CMIP: variants seen among roughly 807,000 people sequenced by gnomAD.
CMIP encodes the protein c-Maf inducing protein, also known as C-Maf-inducing protein.
A neutral mutation model predicts 97.3 loss-of-function variants in CMIP; 13 were observed. The observed-to-expected ratio is 0.13, with a 90% CI of 0.09 to 0.21. The LOEUF is 0.21. Ranked by LOEUF, CMIP falls within the 10% of genes least tolerant of loss-of-function variation. The pLI, the probability that CMIP is intolerant of heterozygous loss-of-function variation, is 1.00. For missense variants in CMIP, 847 were observed against 1,024.9 expected, an observed-to-expected ratio of 0.83 and a Z score of 2.37; for synonymous variants, 538 against 436.3, an observed-to-expected ratio of 1.23 and a Z score of -2.91.
chr16:81,521,636 C>T (rs1033373922), intron 1 of CMIP, among the ~76,000 whole-genome samples: 2 of 152,106 alleles, frequency 1.3e-5, no homozygotes, highest in Admixed American at 6.5e-5. Context: ...TCAAAAAGCC[C>T]CTCCCTGGAG....
At chr16:81,664,611 G>A (rs1315244021) in intron 7 of CMIP, 5 of 585,324 alleles carry the variant, frequency 8.5e-6, no homozygotes, top group South Asian at 4.4e-5. Flanking sequence ...AAAGCCTCCC[G>A]GGAAGAATAG....
chr16:81,640,424 G>A (rs1023525557), intron 3 of CMIP, among the ~76,000 whole-genome samples: 3 of 152,036 alleles, frequency 2.0e-5, no homozygotes, highest in East Asian at 3.9e-4. Flanking sequence ...TCGAGTCACC[G>A]CAGTAAGATG....
intron 3 of CMIP, chr16:81,622,318 A>C (rs537689067): frequency 1.3e-5 from 2 of 152,294 alleles, no homozygotes; most frequent in African/African-American, 4.8e-5. Context: ...GGTGGTGCAC[A>C]CCTGCTCGTG....
chr16:81,454,161 G>A (rs902858788), intron 1 of CMIP, among the ~76,000 whole-genome samples: 32 of 152,216 alleles, frequency 2.1e-4, no homozygotes, highest in African/African-American at 7.2e-4. Flanking sequence ...GAGCAAATCC[G>A]TTGTAAGAGA....
intron 1 of CMIP, among the ~76,000 whole-genome samples, chr16:81,475,425 C>T (rs1012935211): frequency 6.6e-6 from 1 of 152,170 alleles, no homozygotes; most frequent in African/African-American, 2.4e-5. Context: ...GATGTTTATT[C>T]TTGTGCATAT....
At position 81,651,564 on chromosome 16, in the gene CMIP, C is replaced by T. The variant is rs367658471; in HGVS notation, c.478-639C>T. On this transcript the variant is annotated intron_variant, in intron 3 of 20. Coordinates refer to ENST00000537098, the MANE Select transcript of CMIP (RefSeq NM_198390.3). ...TAATCCTGTCTGTCATGTTCCCTAGCTGACTACCTGTCTTCAAGCGACCTC... is the reference window on the plus strand; with the variant it reads ...TAATCCTGTCTGTCATGTTCCCTAGTTGACTACCTGTCTTCAAGCGACCTC... The T allele has an allele frequency of 1.9e-4, 32 of 165,618 alleles. No individual in the cohort carries two copies. The East Asian group carries it at 5.7e-3, about 30-fold the overall frequency. The allele number at this position is 165,618 out of a possible 1,614,324, so 10.3% of individuals were successfully genotyped here. A position where few individuals can be genotyped will look rare whatever the true frequency, so the allele number is the denominator to read the frequency against.
chr16:81,525,971 A>G (rs2090123780), intron 1 of CMIP, among the ~76,000 whole-genome samples: 1 of 133,584 alleles, frequency 7.5e-6, no homozygotes. Flanking sequence ...AGGTTGACTA[A>G]TAATACGTGT....
intron 1 of CMIP, among the ~76,000 whole-genome samples, chr16:81,549,560 A>G (rs2150853184): frequency 6.6e-6 from 1 of 152,100 alleles, no homozygotes; most frequent in South Asian, 2.1e-4. Flanking sequence ...GGGGCGGAGG[A>G]TATTGAAGAA....
chr16:81,644,855 G>A (rs1472448461), intron 3 of CMIP, among the ~76,000 whole-genome samples: 2 of 152,190 alleles, frequency 1.3e-5, no homozygotes, highest in African/African-American at 4.8e-5. Context: ...GGTCTCCCAT[G>A]GGAGGAGGTA....
chr16:81,651,541 A>G (rs2092428951), intron 3 of CMIP: 1 of 196,316 alleles, frequency 5.1e-6, no homozygotes, highest in South Asian at 1.7e-4. Context: ...CCTGGCCTTA[A>G]TCCTGTCTGT....
intron 1 of CMIP, among the ~76,000 whole-genome samples, chr16:81,598,237 C>T (rs565328509): frequency 4.9e-4 from 74 of 151,344 alleles, no homozygotes; most frequent in African/African-American, 1.3e-3. Flanking sequence ...AGCTGACCAA[C>T]GGGGGTATCG....
At chr16:81,465,614 A>G (rs1907156111) in intron 1 of CMIP, among the ~76,000 whole-genome samples, 1 of 152,270 alleles carries the variant, frequency 6.6e-6, no homozygotes, top group South Asian at 2.1e-4. Flanking sequence ...GATCGATTGA[A>G]TGAACGAATG....
Position 81,444,865 on chromosome 16 carries a change from G to C in CMIP, c.-377G>C, listed in dbSNP as rs1382497472. ...TCTGTACACACGCGCGCGGCGGCGC[G>C]GGGCCCCGAGACACGCCCGCCCCCA... On this transcript the variant is annotated 5_prime_UTR_variant, in exon 1 of 21. Coordinates refer to ENST00000537098, the MANE Select transcript of CMIP (RefSeq NM_198390.3). Among the ~76,000 whole-genome samples, 4 of 142,256 alleles carry C rather than the reference G, an allele frequency of 2.8e-5. No homozygotes were observed. Among genetic ancestry groups the C allele is most frequent in the Non-Finnish European group, 6.2e-5 (4 of 64,190 alleles). 93.3% of individuals were successfully genotyped at this position (142,256 alleles called of 152,430 possible). A position where few individuals can be genotyped will look rare whatever the true frequency, so the allele number is the denominator to read the frequency against.
chr16:81,556,158 C>CA (rs1405166184), intron 1 of CMIP, among the ~76,000 whole-genome samples: 3 of 152,094 alleles, frequency 2.0e-5, no homozygotes, highest in Non-Finnish European at 4.4e-5. Context: ...TAGAACAGTC[C>CA]ACTTACCTGG....
intron 1 of CMIP, among the ~76,000 whole-genome samples, chr16:81,494,373 G>A (rs2089453676): frequency 6.6e-6 from 1 of 152,222 alleles, no homozygotes; most frequent in Admixed American, 6.5e-5. Flanking sequence ...CCCAGAACTG[G>A]CCTTTATTGA....
rs1229057626 is a variant in CMIP, at chr16:81,445,531, C to G, written c.290C>G (p.Ala97Gly). 6.5e-7 allele frequency: 1 copy of G among 1,547,316 alleles called. No homozygotes were observed. The highest frequency in any genetic ancestry group is 8.7e-7 in the Non-Finnish European group (1 of 1,146,570). The change falls in exon 1 of 21, where the codon GCG (alanine) becomes GGG (glycine). Residue 97 changes from alanine (A) to glycine (G), a missense_variant. By Grantham distance (60) the Ala-to-Gly change is moderately conservative. Coordinates refer to ENST00000537098, the MANE Select transcript of CMIP (RefSeq NM_198390.3). ...CTAACGCTGGCCGACAACAGCCTGGCGTCCGCCACGGTGAGTGGCTCTGCG... is the reference window on the plus strand; with the variant it reads ...CTAACGCTGGCCGACAACAGCCTGGGGTCCGCCACGGTGAGTGGCTCTGCG... ...HHLTLADNSL[A>G]SATPTGYMEN... is the part of the protein sequence containing the mutation.
At position 81,693,427 on chromosome 16, in the gene CMIP, C is replaced by T. The variant is rs377656905; in HGVS notation, c.1482-12C>T. The T allele has an allele frequency of 5.5e-5, 89 of 1,610,062 alleles. No individual in the cohort carries two copies. Among genetic ancestry groups the T allele is most frequent in the Middle Eastern group, 1.6e-4 (1 of 6,080 alleles). On this transcript the variant is annotated splice_polypyrimidine_tract_variant and intron_variant, in intron 12 of 20. Transcript: ENST00000537098. ...ACCCCGGCAGTAACTCCGGCCGCCT[C>T]GTCTCTTCCAGGGAACTGAAGTACG...
rs895810783 is a variant in CMIP, at chr16:81,636,438, A to T, written c.477+15512A>T. On this transcript the variant is annotated intron_variant, in intron 3 of 20. Transcript: ENST00000537098. ...TCTCTACTAATAATACAAATTAGCT[A>T]GGCGTGGTGGCAGGCGCCCGTAATC... Among the ~76,000 whole-genome samples, 6 of 152,078 alleles carry T rather than the reference A, an allele frequency of 3.9e-5. No individual in the cohort carries two copies. The South Asian group carries it at 1.2e-3, about 32-fold the overall frequency.
intron 2 of CMIP, 88 bp from the exon 3 acceptor site, chr16:81,620,788 G>A (rs2091982093): frequency 6.7e-7 from 1 of 1,498,482 alleles, no homozygotes; most frequent in Admixed American, 1.7e-5. Flanking sequence ...TACAGAGCAG[G>A]CTTGGGGGCT....
Sources: gnomAD v4.1 joint callset for allele counts (sites outside exome capture counted in the v4.1 genomes callset) on GRCh38, gnomAD v4.1.1 for gene constraint, MANE v1.5 for transcripts, NCBI Gene and HGNC (gene_info 2026-07-23, HGNC 2026-07-21) for gene names.